Variants in CWF19L2 observed in about 807,000 individuals in gnomAD.
CWF19L2 encodes CWF19 like cell cycle control factor 2.
Under a neutral mutation model 111.7 loss-of-function variants are expected in CWF19L2, and 98 were observed. The ratio of observed to expected loss-of-function variants is 0.88; its 90% CI spans 0.75 to 1.04. The LOEUF is 1.04. Ranked by LOEUF, CWF19L2 falls within the 50% of genes least tolerant of loss-of-function variation. The pLI is 0.00. For missense variants in CWF19L2, 1,101 were observed against 1,051.4 expected (o/e 1.05, Z -0.65); for synonymous variants, 351 against 342.9 (o/e 1.02, Z -0.26).
intron 12 of CWF19L2, among the ~76,000 whole-genome samples, chr11:107,387,842 C>T (rs1278005928): frequency 6.6e-6 from 1 of 152,154 alleles, no homozygotes; most frequent in Non-Finnish European, 1.5e-5. Context: ...CTGTGCGGCC[C>T]AGTTCCAAAT....
At chr11:107,344,130 T>C (rs982273299) in intron 14 of CWF19L2, among the ~76,000 whole-genome samples, 5 of 152,096 alleles carry the variant, frequency 3.3e-5, no homozygotes, top group Non-Finnish European at 7.4e-5. Flanking sequence ...CAAGAATCGA[T>C]TGAACCCAGG....
intron 5 of CWF19L2, among the ~76,000 whole-genome samples, chr11:107,440,464 G>A (rs1032316735): frequency 1.3e-5 from 2 of 152,086 alleles, no homozygotes; most frequent in African/African-American, 2.4e-5. Flanking sequence ...TGATTTCTTA[G>A]TTTGTATCAA....
chr11:107,456,396 G>A (rs956198670), intron 1 of CWF19L2, among the ~76,000 whole-genome samples: 2 of 151,790 alleles, frequency 1.3e-5, no homozygotes, highest in African/African-American at 4.8e-5. Flanking sequence ...CTCAACTTAC[G>A]AAACTTACTC....
chr11:107,439,165 C>A lies in CWF19L2; in HGVS notation c.589G>T (p.Glu197Ter). 1.3e-6 allele frequency: 2 copies of A among 1,596,430 alleles called. No individual in the cohort carries two copies. The highest frequency in any genetic ancestry group is 1.3e-5 in the African/African-American group (1 of 74,286). ...CCATCCTTCCAGTACGGATTCAATT[C>A]TCTTTCCATCAGTTTGGACTAGAAC... is the stretch of plus-strand genomic sequence containing the variant. ...ALEQSKLMER[E>*]LNPYWKDGGT... The change falls in exon 6 of 18, where the codon GAA becomes TAA. Residue 197 changes from glutamate (E) to a stop codon, truncating the protein, a stop_gained. Transcript: ENST00000282251. LOFTEE classifies it high-confidence loss of function.
intron 12 of CWF19L2, among the ~76,000 whole-genome samples, chr11:107,365,369 C>CA (rs1860423507): frequency 1.2e-5 from 1 of 82,934 alleles, no homozygotes; most frequent in Non-Finnish European, 2.3e-5. Context: ...GAGACACAAC[C>CA]AAAAAAGAGA....
chr11:107,386,546 T>C, intron 12 of CWF19L2, among the ~76,000 whole-genome samples: 1 of 152,124 alleles, frequency 6.6e-6, no homozygotes, highest in East Asian at 1.9e-4. Context: ...CCATTTCCCA[T>C]CTTCAAAGAT....
chr11:107,338,060 TCTC>T (rs995017313), intron 14 of CWF19L2, among the ~76,000 whole-genome samples: 1 of 152,102 alleles, frequency 6.6e-6, no homozygotes, highest in African/African-American at 2.4e-5. Context: ...TACTTTCTCT[TCTC>T]CTTTTATTTT....
At chr11:107,435,474 C>G (rs11212231) in intron 6 of CWF19L2, among the ~76,000 whole-genome samples, 4,169 of 151,452 alleles carry the variant, frequency 0.028, 108 homozygotes, top group East Asian at 0.11. Context: ...ATTTCCTGAA[C>G]AATCACTAAA....
At chr11:107,375,642 A>G (rs1356133751) in intron 12 of CWF19L2, among the ~76,000 whole-genome samples, 1 of 131,592 alleles carries the variant, frequency 7.6e-6, no homozygotes, top group Non-Finnish European at 1.6e-5. Flanking sequence ...GGAAATTTAT[A>G]GCACTAAATG....
Position 107,336,221 on chromosome 11 carries a change from A to G in CWF19L2, c.2358+337T>C, listed in dbSNP as rs893077156. Among the ~76,000 whole-genome samples, 22 of 151,530 alleles carry G rather than the reference A, an allele frequency of 1.5e-4. 1 individual carries two copies. The highest frequency in any genetic ancestry group is 2.9e-4 in the Non-Finnish European group (20 of 67,906). On this transcript the variant is annotated intron_variant, in intron 15 of 17. Coordinates refer to ENST00000282251, the MANE Select transcript of CWF19L2 (RefSeq NM_152434.3). ...GAGTGCAGTGGTGCCATCACAGCTT[A>G]CTGCAACCTCCGCCTCCTGGGTTGA...
intron 12 of CWF19L2, among the ~76,000 whole-genome samples, chr11:107,362,777 CA>C (rs1860375581): frequency 6.6e-6 from 1 of 151,710 alleles, no homozygotes; most frequent in South Asian, 2.1e-4. Flanking sequence ...TCTCCTCCTC[CA>C]AAGGAACGCA....
chr11:107,383,289 G>A (rs927852299), intron 12 of CWF19L2, among the ~76,000 whole-genome samples: 5 of 152,086 alleles, frequency 3.3e-5, no homozygotes, highest in African/African-American at 4.8e-5. Flanking sequence ...ACCCCAACCT[G>A]TGGAATCAGA....
intron 12 of CWF19L2, among the ~76,000 whole-genome samples, chr11:107,384,806 A>C (rs773141363): frequency 6.6e-6 from 1 of 152,184 alleles, no homozygotes; most frequent in Non-Finnish European, 1.5e-5. Flanking sequence ...CTGTTTAATG[A>C]CTTTAAACTA....
At chr11:107,419,204 A>C (rs1260248955) in intron 8 of CWF19L2, among the ~76,000 whole-genome samples, 1 of 152,198 alleles carries the variant, frequency 6.6e-6, no homozygotes, top group African/African-American at 2.4e-5. Context: ...GTAATTCAAA[A>C]AGCACTAGAC....
rs1360460164 is a variant in CWF19L2, at chr11:107,352,787, G to A, written c.2085+737C>T. Among the ~76,000 whole-genome samples the A allele has an allele frequency of 2.6e-5, 4 of 152,132 alleles. No homozygotes were observed. The East Asian group carries it at 7.7e-4, about 29-fold the overall frequency. On this transcript the variant is annotated intron_variant, in intron 13 of 17. Transcript: ENST00000282251. ...AACCTAAAGATATTAAAGACTAGGG[G>A]TATGTGTATGTATACAATAAACAAC...
At chr11:107,449,321 T>C (rs1214302122) in intron 3 of CWF19L2, among the ~76,000 whole-genome samples, 2 of 152,066 alleles carry the variant, frequency 1.3e-5, no homozygotes, top group African/African-American at 4.8e-5. Flanking sequence ...ATCCATATTA[T>C]AATACATGTT....
At chr11:107,439,649 G>C (rs913996537) in intron 5 of CWF19L2, among the ~76,000 whole-genome samples, 4 of 152,286 alleles carry the variant, frequency 2.6e-5, no homozygotes, top group African/African-American at 9.6e-5. Flanking sequence ...GGAGTATAAA[G>C]ATGTTCCAGG....
In CWF19L2 at chr11:107,354,682, A is replaced by C. The variant is rs569934129; in HGVS notation, c.1873-946T>G. Among the ~76,000 whole-genome samples the C allele has an allele frequency of 3.9e-5, 6 of 152,340 alleles. No individual in the cohort carries two copies. In the South Asian group the frequency reaches 1.2e-3, roughly 32 times the overall value. ...TGTGCATGAAACAAAGTTTATGTAT[A>C]TTGAACTATCAGAAGGCAAAGATGT... is the stretch of plus-strand genomic sequence containing the variant. On this transcript the variant is annotated intron_variant, in intron 12 of 17. Coordinates refer to ENST00000282251, the MANE Select transcript of CWF19L2 (RefSeq NM_152434.3).
intron 3 of CWF19L2, among the ~76,000 whole-genome samples, chr11:107,452,285 C>CT (rs914178739): frequency 2.6e-5 from 4 of 151,390 alleles, no homozygotes; most frequent in Non-Finnish European, 5.9e-5. Flanking sequence ...TCACTTTTTT[C>CT]TTTTTTTTCT....
Sources: allele counts gnomAD v4.1 joint callset (sites outside exome capture counted in the v4.1 genomes callset), GRCh38; gene constraint gnomAD v4.1.1; transcripts MANE v1.5; gene names NCBI Gene and HGNC (gene_info 2026-07-23, HGNC 2026-07-21).